Variants in LYST observed in about 807,000 individuals in gnomAD.
LYST encodes the protein lysosomal trafficking regulator.
LYST carries 192 observed loss-of-function variants against 413.6 expected under a neutral mutation model. The ratio of observed to expected loss-of-function variants is 0.46; its 90% confidence interval spans 0.41 to 0.52. The LOEUF is 0.52. Ranked by LOEUF, LYST falls within the 20% of genes least tolerant of loss-of-function variation. The pLI is 0.00. For synonymous variants in LYST, 1,525 were observed against 1,567.3 expected (o/e 0.97, Z 0.64); for missense variants, 3,815 against 4,499.9 (o/e 0.85, Z 4.35).
chr1:235,734,750 T>C, intron 31 of LYST, 91 bp from the exon 32 acceptor site: 1 of 839,920 alleles, frequency 1.2e-6, no homozygotes, highest in Non-Finnish European at 1.9e-6. Context: ...TTGCTAGATT[T>C]ATTTGGTTGC....
At position 235,803,013 on chromosome 1, in the gene LYST, C is replaced by T; in HGVS notation, c.3607G>A (p.Glu1203Lys). 3 of 1,613,320 alleles carry T rather than the reference C, an allele frequency of 1.9e-6. No homozygotes were observed. The highest frequency in any genetic ancestry group is 1.7e-4 in the Middle Eastern group (1 of 6,056). ...LSSQPGDFSE[E>K]AEDSQCCSFK... is the part of the protein sequence containing the mutation. ...CTACAACACTGAGAATCCTCAGCTT[C>T]TTCTGAAAAATCACCAGGCTGGGAT... is the stretch of plus-strand genomic sequence containing the variant. The change falls in exon 8 of 53, where the codon GAA (glutamate) becomes AAA (lysine). Residue 1203 changes from glutamate to lysine, a missense_variant. Physicochemically the swap from Glu to Lys is moderately conservative, Grantham distance 56. This residue lies in a region of LYST where 1,648 missense variants were observed against 1,810.3 expected (regional missense o/e 0.91). Coordinates refer to ENST00000389793, the MANE Select transcript of LYST (RefSeq NM_000081.4).
chr1:235,787,235 A>T lies in LYST; in HGVS notation c.4827T>A (p.Ile1609=). The change falls in exon 14 of 53, where the codon ATT becomes ATA. Residue 1609 remains isoleucine, a synonymous_variant. Transcript: ENST00000389793. ...YLQQPQGKRR[I]HGKISIWVSG... ...AGACCCATATGGAGATTTTCCCATG[A>T]ATCCTCCTTTTCCCTTGGGGCTGCT... 6.2e-7 allele frequency: 1 copy of T among 1,613,912 alleles called. No homozygotes were observed. Among genetic ancestry groups the T allele is most frequent in the Non-Finnish European group, 8.5e-7 (1 of 1,179,856 alleles).
At chr1:235,784,869 C>T (rs1005726896) in intron 14 of LYST, among the ~76,000 whole-genome samples, 8 of 152,076 alleles carry the variant, frequency 5.3e-5, no homozygotes, top group Non-Finnish European at 8.8e-5. Flanking sequence ...CTATGAAGAT[C>T]GAGAACGTCA....
intron 20 of LYST, 22 bp from the exon 21 acceptor site, chr1:235,766,299 TC>T: frequency 6.5e-7 from 1 of 1,547,184 alleles, no homozygotes; most frequent in Non-Finnish European, 8.8e-7. Flanking sequence ...AAAAAAACTC[TC>T]TTTAGATTTA....
chr1:235,733,775 T>A (rs888857795), intron 33 of LYST, 55 bp downstream of exon 33: 1 of 1,487,168 alleles, frequency 6.7e-7, no homozygotes, highest in African/African-American at 1.4e-5. Context: ...TAAAAGTATA[T>A]GTGAAATCTA....
chr1:235,765,917 G>A (rs1668098014), intron 21 of LYST, among the ~76,000 whole-genome samples, 162 bp downstream of exon 21: 1 of 151,970 alleles, frequency 6.6e-6, no homozygotes, highest in Admixed American at 6.6e-5. Context: ...TGAGGACAGA[G>A]GCCATGTCTA....
In LYST at chr1:235,788,848, A is replaced by T; in HGVS notation, c.4544-3T>A. The T allele has an allele frequency of 6.2e-7, 1 of 1,613,348 alleles. No homozygotes were observed. The highest frequency in any genetic ancestry group is 1.7e-5 in the Admixed American group (1 of 60,000). ...TGCACCTTCTGGTCTGTCGCTCTCT[A>T]TAAGAAAAAGATGTTAGAATGATCA... On this transcript the variant is annotated splice_region_variant and splice_polypyrimidine_tract_variant and intron_variant, in intron 12 of 52. Transcript: ENST00000389793.
chr1:235,822,122 G>A (rs1558301600), intron 3 of LYST, among the ~76,000 whole-genome samples: 2 of 152,234 alleles, frequency 1.3e-5, no homozygotes, highest in African/African-American at 4.8e-5. Flanking sequence ...GGATAGGATA[G>A]AGACAGCTCA....
intron 50 of LYST, among the ~76,000 whole-genome samples, chr1:235,676,402 C>G (rs185546119): frequency 6.6e-6 from 1 of 152,218 alleles, no homozygotes; most frequent in Non-Finnish European, 1.5e-5. Flanking sequence ...CATAATCAAA[C>G]TGAACTTGGA....
At chr1:235,804,287 A>C (rs1430452104) in intron 7 of LYST, among the ~76,000 whole-genome samples, 1 of 152,226 alleles carries the variant, frequency 6.6e-6, no homozygotes, top group Non-Finnish European at 1.5e-5. Flanking sequence ...GGAAAAGCTT[A>C]TCATATCACT....
intron 30 of LYST, among the ~76,000 whole-genome samples, chr1:235,743,645 G>T (rs985404908): frequency 6.6e-6 from 1 of 152,046 alleles, no homozygotes; most frequent in African/African-American, 2.4e-5. Context: ...CATAAATACA[G>T]TCCTTTAAAA....
rs1219950401 is a variant in LYST, at chr1:235,757,314, G to A, written c.7026C>T (p.His2342=). The change falls in exon 24 of 53, where the codon CAC becomes CAT. Residue 2342 remains histidine, a synonymous_variant. Transcript: ENST00000389793. ...CACCTTGTTGTATAGCTGGTGATGGGTGGTTAACGAGGACCAAAAGTGTAT... is the reference window on the plus strand; with the variant it reads ...CACCTTGTTGTATAGCTGGTGATGGATGGTTAACGAGGACCAAAAGTGTAT... ...QADTLLVLVN[H]PSPAIQQGVI... is the part of the protein sequence containing the mutation. 1 of 1,613,362 alleles carries A rather than the reference G, an allele frequency of 6.2e-7. No homozygotes were observed. The highest frequency in any genetic ancestry group is 1.3e-5 in the African/African-American group (1 of 74,834).
At chr1:235,807,523 A>G (rs1277603907) in intron 5 of LYST, among the ~76,000 whole-genome samples, 1 of 152,222 alleles carries the variant, frequency 6.6e-6, no homozygotes, top group African/African-American at 2.4e-5. Flanking sequence ...AATGTCAGAA[A>G]AATTTTTAAA....
At position 235,693,971 on chromosome 1, in the gene LYST, T is replaced by TTCATTCAA. The variant is rs748328211; in HGVS notation, c.10565-493_10565-486dup. Among the ~76,000 whole-genome samples the TTCATTCAA allele has an allele frequency of 2.9e-3, 445 of 151,986 alleles. 2 individuals carry two copies. Among genetic ancestry groups the TTCATTCAA allele is most frequent in the Admixed American group, 5.4e-3 (82 of 15,274 alleles). The stretch of plus-strand genomic sequence containing the variant: ...ACTGCAGGACTGTGTATGGTAGACC[T>TTCATTCAA]TCATTCAATTCAAGGAGGCTCTGTT... On this transcript the variant is annotated intron_variant, in intron 46 of 52. Transcript: ENST00000389793.
chr1:235,798,578 TAAAAAAA>T (rs71174462), intron 10 of LYST, among the ~76,000 whole-genome samples: 5 of 81,710 alleles, frequency 6.1e-5, no homozygotes, highest in African/African-American at 1.8e-4. Context: ...AACCCTGTCA[TAAAAAAA>T]AAAAAAAAAA....
chr1:235,780,876 C>A lies in LYST; in HGVS notation c.5203G>T (p.Gly1735Cys). ...LFMTKKDVDI[G>C]LLIESLSVVY... Reference sequence around the variant, plus strand: ...AAATTAAAACTTACAATTAAGAGACCAATATCCACATCTTTCTTGGTCATA... The same window carrying A: ...AAATTAAAACTTACAATTAAGAGACAAATATCCACATCTTTCTTGGTCATA... The change falls in exon 16 of 53, where the codon GGT (glycine) becomes TGT (cysteine). Residue 1735 changes from glycine (G) to cysteine (C), a missense_variant. Coordinates refer to ENST00000389793, the MANE Select transcript of LYST (RefSeq NM_000081.4). The A allele has an allele frequency of 6.8e-7, 1 of 1,473,312 alleles. No homozygotes were observed. Among genetic ancestry groups the A allele is most frequent in the Non-Finnish European group, 9.3e-7 (1 of 1,076,032 alleles). The allele number at this position is 1,473,312 out of a possible 1,614,324, so 91.3% of individuals were successfully genotyped here.
intron 20 of LYST, among the ~76,000 whole-genome samples, chr1:235,769,703 C>A (rs748942851): frequency 6.6e-6 from 1 of 151,956 alleles, no homozygotes. Flanking sequence ...GTAACTGATA[C>A]AATTAGTGTC....
Position 235,758,981 on chromosome 1 carries a change from C to T in LYST, c.6872G>A (p.Ser2291Asn). 6.2e-7 allele frequency: 1 copy of T among 1,613,914 alleles called. No individual in the cohort carries two copies. The highest frequency in any genetic ancestry group is 1.1e-5 in the South Asian group (1 of 91,056). ...GYEPNYNRTASAHSVTEDCLV... is the reference protein window; with the variant it reads ...GYEPNYNRTANAHSVTEDCLV... ...AAAAACACATAAGTACCTGTGAGCA[C>T]TTGCAGTTCGGTTGTAATTTGGCTC... The change falls in exon 23 of 53, where the codon AGT (serine) becomes AAT (asparagine). Residue 2291 changes from serine (S) to asparagine (N), a missense_variant. Transcript: ENST00000389793.
rs575781507 is a variant in LYST, at chr1:235,881,435, G to A, written n.454+1752C>T. Among the ~76,000 whole-genome samples, 12 of 152,252 alleles carry A rather than the reference G, an allele frequency of 7.9e-5. No homozygotes were observed. The South Asian group carries it at 2.3e-3, about 29-fold the overall frequency. ...AATCGGCTTTGAGGAAAAATAATAG[G>A]GGTGTGAATTACCATACCATCCAAC... On this transcript the variant is annotated intron_variant and non_coding_transcript_variant, in intron 1 of 11. Coordinates refer to the LYST transcript ENST00000465349.
Sources: gnomAD v4.1 joint callset for allele counts (sites outside exome capture counted in the v4.1 genomes callset) on GRCh38, gnomAD v4.1.1 for gene constraint, gnomAD v4.1.1 regional missense constraint, MANE v1.5 for transcripts, NCBI Gene and HGNC (gene_info 2026-07-23, HGNC 2026-07-21) for gene names.